Variants in SLC7A7 observed in about 807,000 individuals in gnomAD.
The protein encoded by SLC7A7 is Y+L amino acid transporter 1.
Under a neutral mutation model 47.9 loss-of-function variants are expected in SLC7A7, and 39 were observed. The ratio of observed to expected loss-of-function variants is 0.81; its 90% CI spans 0.63 to 1.06. SLC7A7 has a LOEUF of 1.06. Ranked by LOEUF, SLC7A7 falls within the 50% of genes least tolerant of loss-of-function variation. The pLI, the probability that SLC7A7 is intolerant of heterozygous loss-of-function variation, is 0.00. For synonymous variants in SLC7A7, 234 were observed against 242.8 expected, an observed-to-expected ratio of 0.96 and a Z score of 0.34; for missense variants, 588 against 632.0, an observed-to-expected ratio of 0.93 and a Z score of 0.75.
chr14:22,774,173 A>ATAAC, intron 8 of SLC7A7, 57 bp from the exon 9 acceptor site: 1 of 1,602,922 alleles, frequency 6.2e-7, no homozygotes. Flanking sequence ...AACAGCTAAA[A>ATAAC]TAACCCCACC....
In SLC7A7 at chr14:22,774,099, C is replaced by G; in HGVS notation, c.1263G>C (p.Pro421=). 6.2e-7 allele frequency: 1 copy of G among 1,614,068 alleles called. No homozygotes were observed. The highest frequency in any genetic ancestry group is 1.1e-5 in the South Asian group (1 of 91,080). Residue 421 remains proline, a synonymous_variant, in exon 9 of 10, where the codon CCG becomes CCC. Transcript: ENST00000674313. ...AGATGGTGCAGAGGCAGAAGACAAT[C>G]GGGAAGAAAACGCTGAGCTAAGGGC... ...PRPLKLSVFF[P]IVFCLCTIFL...
At chr14:22,809,399 G>A (rs1486453374) in intron 2 of SLC7A7, among the ~76,000 whole-genome samples, 1 of 142,112 alleles carries the variant, frequency 7.0e-6, no homozygotes, top group East Asian at 2.1e-4. Context: ...GGCGTGCAAT[G>A]GCGCGATCTC....
intron 2 of SLC7A7, among the ~76,000 whole-genome samples, chr14:22,788,562 G>C (rs2038863851): frequency 6.6e-6 from 1 of 151,806 alleles, no homozygotes; most frequent in Non-Finnish European, 1.5e-5. Flanking sequence ...AAATTAGCTG[G>C]GCGTGGTGGC....
At chr14:22,792,919 C>G (rs56796512) in intron 2 of SLC7A7, among the ~76,000 whole-genome samples, 11,366 of 131,954 alleles carry the variant, frequency 0.086, 591 homozygotes, top group African/African-American at 0.14. Flanking sequence ...AGAAAAATAT[C>G]TTTTTTTTTT....
chr14:22,776,616 C>T (rs112400192), intron 4 of SLC7A7, among the ~76,000 whole-genome samples: 6 of 151,738 alleles, frequency 4.0e-5, no homozygotes, highest in African/African-American at 7.3e-5. Flanking sequence ...GGAGATGGCT[C>T]GAGTCTAGGA....
intron 2 of SLC7A7, among the ~76,000 whole-genome samples, chr14:22,811,834 G>T (rs1350129148): frequency 9.3e-6 from 1 of 107,978 alleles, no homozygotes; most frequent in Non-Finnish European, 1.8e-5. Context: ...GCGACAGAGT[G>T]ACTCTATCTC....
rs772172822 is a variant in SLC7A7, at chr14:22,778,888, C to T, written c.675G>A (p.Val225=). The T allele has an allele frequency of 2.5e-6, 4 of 1,614,158 alleles. No homozygotes were observed. The highest frequency in any genetic ancestry group is 1.7e-5 in the Admixed American group (1 of 60,022). The change falls in exon 4 of 10, where the codon GTG becomes GTA. Residue 225 remains valine (V), a synonymous_variant. Coordinates refer to ENST00000674313, the MANE Select transcript of SLC7A7 (RefSeq NM_003982.4). ...ENSFEGSSFA[V]GDIALALYSA... is the part of the protein sequence containing the mutation. ...AGTACAGTGCCAGGGCAATGTCACC[C>T]ACTGCAAATGATGAACCCTCAAAGG...
chr14:22,805,163 C>CA (rs34215169), intron 2 of SLC7A7, among the ~76,000 whole-genome samples: 19,142 of 152,106 alleles, frequency 0.13, 1,375 homozygotes, highest in South Asian at 0.19. Flanking sequence ...GTCAGGAGTT[C>CA]AAGACCAGCC....
chr14:22,795,795 G>T (rs1434412442), intron 2 of SLC7A7, among the ~76,000 whole-genome samples: 2 of 152,108 alleles, frequency 1.3e-5, no homozygotes, highest in African/African-American at 4.8e-5. Context: ...TTCTCCAGAT[G>T]ATTCCAATCC....
intron 2 of SLC7A7, among the ~76,000 whole-genome samples, chr14:22,800,573 G>A (rs1246766317): frequency 2.6e-5 from 4 of 152,158 alleles, no homozygotes; most frequent in Non-Finnish European, 4.4e-5. Flanking sequence ...GACTGCCCAC[G>A]AGTCACCACG....
chr14:22,786,021 C>CAAAA, intron 2 of SLC7A7, among the ~76,000 whole-genome samples: 1 of 74,000 alleles, frequency 1.4e-5, no homozygotes, highest in Non-Finnish European at 2.5e-5. Context: ...GACTCTGTCT[C>CAAAA]AAAAAAAAAA....
intron 7 of SLC7A7, among the ~76,000 whole-genome samples, chr14:22,774,891 A>T (rs1248271512): frequency 6.6e-6 from 1 of 152,118 alleles, no homozygotes; most frequent in Non-Finnish European, 1.5e-5. Context: ...TCAAGTCAGC[A>T]CTCAAAAAGT....
At chr14:22,782,441 CTTATTTAT>C (rs200252561) in intron 2 of SLC7A7, among the ~76,000 whole-genome samples, 110 of 148,568 alleles carry the variant, frequency 7.4e-4, no homozygotes, top group African/African-American at 1.4e-3. Flanking sequence ...TATTTATTGA[CTTATTTAT>C]TTATTTATTT....
intron 2 of SLC7A7, among the ~76,000 whole-genome samples, chr14:22,807,504 T>C (rs10131662): frequency 0.96 from 146,213 of 152,198 alleles, 70,508 homozygotes; most frequent in East Asian, 1. Flanking sequence ...AGTTGGAGGC[T>C]GCAGTGAGCT....
chr14:22,788,683 G>A (rs571826558), intron 2 of SLC7A7, among the ~76,000 whole-genome samples: 20 of 147,920 alleles, frequency 1.4e-4, no homozygotes, highest in South Asian at 4.2e-4. Context: ...CAGCCCGGGC[G>A]ACAGAGTGAG....
At chr14:22,782,939 AT>A (rs34783556) in intron 2 of SLC7A7, among the ~76,000 whole-genome samples, 150 of 143,230 alleles carry the variant, frequency 1.0e-3, no homozygotes, top group Middle Eastern at 3.5e-3. Context: ...ATTTGTTTTA[AT>A]TTTTTTTTTT....
chr14:22,801,294 T>C (rs902791227), intron 2 of SLC7A7, among the ~76,000 whole-genome samples: 1 of 152,160 alleles, frequency 6.6e-6, no homozygotes, highest in African/African-American at 2.4e-5. Context: ...GGAGCACTTC[T>C]GGCATTTAGG....
chr14:22,788,560 T>C (rs893029069), intron 2 of SLC7A7, among the ~76,000 whole-genome samples: 18 of 151,418 alleles, frequency 1.2e-4, no homozygotes, highest in South Asian at 2.1e-4. Flanking sequence ...AAAAATTAGC[T>C]GGGCGTGGTG....
chr14:22,811,996 A>G (rs67526042), intron 2 of SLC7A7, among the ~76,000 whole-genome samples: 11,660 of 152,194 alleles, frequency 0.077, 567 homozygotes, highest in African/African-American at 0.12. Context: ...TAAATAAACT[A>G]CTATGCATCC....
Sources: allele counts gnomAD v4.1 joint callset (sites outside exome capture counted in the v4.1 genomes callset), GRCh38; gene constraint gnomAD v4.1.1; transcripts MANE v1.5; gene names NCBI Gene and HGNC (gene_info 2026-07-23, HGNC 2026-07-21).